The following DNAJC13 variants were observed in gnomAD, a reference collection of about 807,000 sequenced individuals.
DNAJC13 encodes the protein dnaJ homolog subfamily C member 13.
Under a neutral mutation model 290.5 loss-of-function variants are expected in DNAJC13, and 75 were observed. The ratio of observed to expected loss-of-function variants is 0.26; its 90% confidence interval spans 0.21 to 0.31. The LOEUF is 0.31. DNAJC13 is among the 10% of genes least tolerant of loss of function. The probability of loss-of-function intolerance (pLI) is 1.00; values close to 1 mark genes in which losing one functional copy is unlikely to be tolerated. For missense variants in DNAJC13, 2,260 were observed against 2,674.5 expected, an observed-to-expected ratio of 0.85 and a Z score of 3.42; for synonymous variants, 862 against 892.0, an observed-to-expected ratio of 0.97 and a Z score of 0.60.
chr3:132,426,956 A>G (rs1939107063), intron 1 of DNAJC13, among the ~76,000 whole-genome samples: 1 of 151,928 alleles, frequency 6.6e-6, no homozygotes, highest in Admixed American at 6.6e-5. Context: ...TTGACTTGTA[A>G]TAGTATTTTG....
intron 54 of DNAJC13, 94 bp downstream of exon 54, chr3:132,528,426 T>C (rs1408453387): frequency 6.8e-7 from 1 of 1,460,336 alleles, no homozygotes; most frequent in Non-Finnish European, 9.3e-7. Flanking sequence ...CACTTACAGA[T>C]ATGGTTCTGT....
chr3:132,463,185 G>A (rs911068483), intron 16 of DNAJC13, among the ~76,000 whole-genome samples: 1 of 152,206 alleles, frequency 6.6e-6, no homozygotes, highest in Non-Finnish European at 1.5e-5. Flanking sequence ...TTGTGCATAA[G>A]TATAGCACAC....
chr3:132,523,300 A>G (rs751014165), intron 50 of DNAJC13, 101 bp downstream of exon 50: 2 of 1,392,238 alleles, frequency 1.4e-6, no homozygotes, highest in Non-Finnish European at 1.0e-6. Flanking sequence ...CTTTGTCATC[A>G]AGACTCTTGG....
In DNAJC13 at chr3:132,467,222, A is replaced by G; in HGVS notation, c.2117A>G (p.Lys706Arg). The G allele has an allele frequency of 6.2e-7, 1 of 1,613,944 alleles. No homozygotes were observed. Among genetic ancestry groups the G allele is most frequent in the Non-Finnish European group, 8.5e-7 (1 of 1,179,916 alleles). The stretch of plus-strand genomic sequence containing the variant: ...CCAGAGTGGCAAAGACTAGCTGGAA[A>G]AGCTGCTAAAGAAGTTGAAAAATTT... ...KVPEWQRLAG[K>R]AAKEVEKFAK... The change falls in exon 20 of 56, where the codon AAA becomes AGA. Residue 706 changes from lysine (K) to arginine (R), a missense_variant. Transcript: ENST00000260818.
chr3:132,507,069 T>G (rs1207458732), intron 42 of DNAJC13, among the ~76,000 whole-genome samples, 168 bp from the exon 43 acceptor site: 1 of 152,204 alleles, frequency 6.6e-6, no homozygotes, highest in East Asian at 1.9e-4. Flanking sequence ...AAAATTATAA[T>G]GTAATTGTAT....
intron 1 of DNAJC13, among the ~76,000 whole-genome samples, chr3:132,424,294 G>T (rs1939036754): frequency 6.6e-6 from 1 of 152,026 alleles, no homozygotes; most frequent in Non-Finnish European, 1.5e-5. Flanking sequence ...CTTCTGTTTT[G>T]TCAGAAATAC....
chr3:132,451,247 AG>A (rs1933406367), intron 6 of DNAJC13, among the ~76,000 whole-genome samples: 2 of 152,136 alleles, frequency 1.3e-5, no homozygotes, highest in South Asian at 2.1e-4. Context: ...GGATAGCTTG[AG>A]CCCAGGAGTT....
At chr3:132,491,096 C>A in intron 32 of DNAJC13, 45 bp downstream of exon 32, 4 of 1,475,366 alleles carry the variant, frequency 2.7e-6, no homozygotes, top group African/African-American at 1.4e-5. Context: ...ATAATTAAGT[C>A]TTTGCTGCTC....
chr3:132,421,915 A>C (rs961803619), intron 1 of DNAJC13, among the ~76,000 whole-genome samples: 16 of 152,198 alleles, frequency 1.1e-4, no homozygotes, highest in Non-Finnish European at 2.2e-4. Flanking sequence ...AACCCTGCAA[A>C]ATGTACTTGG....
Position 132,509,151 on chromosome 3 carries a change from T to G in DNAJC13, c.5115+1798T>G, listed in dbSNP as rs1935695238. On this transcript the variant is annotated intron_variant, in intron 43 of 55. Coordinates refer to ENST00000260818, the MANE Select transcript of DNAJC13 (RefSeq NM_015268.4). Reference sequence around the variant, plus strand: ...TGGGCAAAGCAAATTGAAAACCTTCTGGAAAGGATTCACCTTTCTAGATGC... The same window carrying G: ...TGGGCAAAGCAAATTGAAAACCTTCGGGAAAGGATTCACCTTTCTAGATGC... Among the ~76,000 whole-genome samples, 3 of 152,242 alleles carry G rather than the reference T, an allele frequency of 2.0e-5. No individual in the cohort carries two copies. The South Asian group carries it at 6.2e-4, about 31-fold the overall frequency.
At chr3:132,526,507 TAC>T (rs1170739008) in intron 53 of DNAJC13, among the ~76,000 whole-genome samples, 3 of 152,148 alleles carry the variant, frequency 2.0e-5, no homozygotes, top group Admixed American at 6.5e-5. Context: ...TGTGTATATA[TAC>T]ACACACACAA....
intron 9 of DNAJC13, among the ~76,000 whole-genome samples, chr3:132,454,895 G>A (rs745433794): frequency 1.2e-4 from 18 of 152,204 alleles, no homozygotes; most frequent in African/African-American, 2.4e-4. Flanking sequence ...GACAGTAGCC[G>A]TAGGAAGAAG....
chr3:132,480,474 C>T lies in DNAJC13; in HGVS notation c.2874+4C>T, dbSNP rs748640695. On this transcript the variant is annotated splice_donor_region_variant and intron_variant, in intron 26 of 55. Coordinates refer to ENST00000260818, the MANE Select transcript of DNAJC13 (RefSeq NM_015268.4). ...CCGAGCTACAGTACCACTGCAAGTA[C>T]GTATCCTTGTTTACGTTTTACAAAT... 40 of 1,591,930 alleles carry T rather than the reference C, an allele frequency of 2.5e-5. No homozygotes were observed. The highest frequency in any genetic ancestry group is 1.7e-4 in the South Asian group (15 of 89,016).
intron 20 of DNAJC13, among the ~76,000 whole-genome samples, chr3:132,471,111 G>T (rs1934227853): frequency 7.3e-6 from 1 of 136,410 alleles, no homozygotes; most frequent in Admixed American, 7.1e-5. Flanking sequence ...TGGCCGGGTG[G>T]GGGGGCTGAC....
chr3:132,440,198 A>G (rs1576461216), intron 2 of DNAJC13, among the ~76,000 whole-genome samples: 1 of 152,222 alleles, frequency 6.6e-6, no homozygotes, highest in African/African-American at 2.4e-5. Flanking sequence ...CGGAGGTTGC[A>G]GTGAGCTGAG....
At chr3:132,498,166 A>G (rs1430882550) in intron 36 of DNAJC13, among the ~76,000 whole-genome samples, 1 of 152,230 alleles carries the variant, frequency 6.6e-6, no homozygotes, top group African/African-American at 2.4e-5. Flanking sequence ...TTTAAAAGTT[A>G]ACTTTCTGTT....
At position 132,457,326 on chromosome 3, in the gene DNAJC13, A is replaced by G; in HGVS notation, c.1407A>G (p.Gly469=). The G allele has an allele frequency of 6.2e-7, 1 of 1,613,664 alleles. No individual in the cohort carries two copies. ...VVKALKRSNN[G]IIHAAVDMLC... ...AAGCACTCAAAAGAAGCAACAACGG[A>G]ATAATCCATGCAGCAGTTGATATGC... The change falls in exon 13 of 56, where the codon GGA becomes GGG. Residue 469 remains glycine (G), a synonymous_variant. Transcript: ENST00000260818.
intron 1 of DNAJC13, among the ~76,000 whole-genome samples, 171 bp from the exon 2 acceptor site, chr3:132,434,367 C>A (rs1367461539): frequency 6.9e-6 from 1 of 144,514 alleles, no homozygotes; most frequent in African/African-American, 2.6e-5. Context: ...GCCTGGGCGA[C>A]AGAGCGAGAC....
intron 55 of DNAJC13, among the ~76,000 whole-genome samples, chr3:132,535,661 T>TA (rs1553753968): frequency 1.3e-5 from 2 of 152,172 alleles, no homozygotes; most frequent in Non-Finnish European, 2.9e-5. Flanking sequence ...ACTTTTCACA[T>TA]ATACATTTCA....
Sources: allele counts gnomAD v4.1 joint callset (sites outside exome capture counted in the v4.1 genomes callset), GRCh38; gene constraint gnomAD v4.1.1; transcripts MANE v1.5; gene names NCBI Gene and HGNC (gene_info 2026-07-23, HGNC 2026-07-21).